HEATR5A: variants seen among roughly 807,000 people sequenced by gnomAD.
HEATR5A encodes the protein HEAT repeat containing 5A, also known as HEAT repeat-containing protein 5A.
HEATR5A carries 178 observed loss-of-function variants against 218.8 expected under a neutral mutation model. That is an observed-to-expected ratio of 0.81 (90% CI 0.72 to 0.92). HEATR5A has a LOEUF of 0.92. HEATR5A is among the 40% of genes least tolerant of loss of function. HEATR5A has a pLI of 0.00. For synonymous variants in HEATR5A, 864 were observed against 871.6 expected (o/e 0.99, Z 0.15); for missense variants, 2,420 against 2,418.9 (o/e 1.00, Z -0.01).
At chr14:31,334,404 T>A (rs1900579350) in intron 22 of HEATR5A, 2 of 455,982 alleles carry the variant, frequency 4.4e-6, no homozygotes, top group Non-Finnish European at 8.8e-6. Context: ...AGGATTATCA[T>A]TCTAGATGGT....
Position 31,294,124 on chromosome 14 carries a change from G to C in HEATR5A, c.5620-20C>G, listed in dbSNP as rs1899100575. ...TTGTACCTAATAAGGTAAGAGAAAAGAATAGCAAATACTATAAATAAATTT... is the reference window on the plus strand; with the variant it reads ...TTGTACCTAATAAGGTAAGAGAAAACAATAGCAAATACTATAAATAAATTT... On this transcript the variant is annotated intron_variant, in intron 34 of 35. Coordinates refer to ENST00000543095, the MANE Select transcript of HEATR5A (RefSeq NM_015473.4). 2 of 1,457,446 alleles carry C rather than the reference G, an allele frequency of 1.4e-6. No homozygotes were observed. The highest frequency in any genetic ancestry group is 1.9e-6 in the Non-Finnish European group (2 of 1,063,478). The allele number at this position is 1,457,446 out of a possible 1,614,324, so 90.3% of individuals were successfully genotyped here.
intron 13 of HEATR5A, among the ~76,000 whole-genome samples, chr14:31,367,569 A>ATTTTTTTTTTT (rs567217496): frequency 1.7e-5 from 1 of 60,296 alleles, no homozygotes; most frequent in Non-Finnish European, 2.7e-5. Flanking sequence ...TGCCCAGCTA[A>ATTTTTTTTTTT]TTTTTTTTTT....
chr14:31,293,981 T>G lies in HEATR5A; in HGVS notation c.5743A>C (p.Arg1915=). The change falls in exon 35 of 36, where the codon AGA becomes CGA. Residue 1915 remains arginine, a synonymous_variant. Coordinates refer to ENST00000543095, the MANE Select transcript of HEATR5A (RefSeq NM_015473.4). ...IMEKLQEIDK[R]KPENTAELEI... is the part of the protein sequence containing the mutation. The stretch of plus-strand genomic sequence containing the variant: ...AGCTCAGCAGTGTTTTCAGGTTTTC[T>G]CTTGTCTATTTCCTGCAGTTTTTCC... 2 of 1,606,862 alleles carry G rather than the reference T, an allele frequency of 1.2e-6. No homozygotes were observed. Among genetic ancestry groups the G allele is most frequent in the Non-Finnish European group, 1.7e-6 (2 of 1,176,394 alleles).
chr14:31,363,994 C>T (rs1342046799), intron 14 of HEATR5A, among the ~76,000 whole-genome samples, 195 bp downstream of exon 14: 1 of 152,042 alleles, frequency 6.6e-6, no homozygotes, highest in Non-Finnish European at 1.5e-5. Flanking sequence ...AAAACAAAAA[C>T]AAAACCCCGA....
At chr14:31,408,197 G>A (rs993535134) in intron 1 of HEATR5A, among the ~76,000 whole-genome samples, 1 of 152,058 alleles carries the variant, frequency 6.6e-6, no homozygotes, top group African/African-American at 2.4e-5. Flanking sequence ...CTAGACCTAA[G>A]GTACCAAGGT....
chr14:31,347,704 TAA>T, intron 19 of HEATR5A, 42 bp downstream of exon 19: 1 of 1,429,218 alleles, frequency 7.0e-7, no homozygotes, highest in Non-Finnish European at 9.3e-7. Flanking sequence ...CTGCATCATC[TAA>T]AAATCATGAA....
At chr14:31,394,288 A>T (rs1360767185) in intron 5 of HEATR5A, 62 bp from the exon 6 acceptor site, 36 of 1,051,626 alleles carry the variant, frequency 3.4e-5, no homozygotes, top group Middle Eastern at 4.3e-4. Flanking sequence ...GTTCAGAGCT[A>T]TGTAAGTTGC....
chr14:31,344,521 G>C (rs1237740080), intron 20 of HEATR5A, among the ~76,000 whole-genome samples: 2 of 151,572 alleles, frequency 1.3e-5, no homozygotes, highest in African/African-American at 4.9e-5. Context: ...CCGATTCAGT[G>C]ATCCACCTGC....
intron 13 of HEATR5A, among the ~76,000 whole-genome samples, chr14:31,368,713 ATTT>A (rs761863608): frequency 2.0e-5 from 3 of 149,108 alleles, no homozygotes; most frequent in African/African-American, 7.5e-5. Context: ...TTATTTATTT[ATTT>A]ATTTATTTAT....
chr14:31,310,092 C>T (rs1899690120), intron 28 of HEATR5A, among the ~76,000 whole-genome samples: 1 of 152,176 alleles, frequency 6.6e-6, no homozygotes, highest in South Asian at 2.1e-4. Flanking sequence ...GTAAGAATGA[C>T]TCCTAGATAT....
At chr14:31,323,439 G>A (rs1229278518) in intron 24 of HEATR5A, 126 bp downstream of exon 24, 2 of 661,212 alleles carry the variant, frequency 3.0e-6, no homozygotes, top group East Asian at 3.6e-5. Flanking sequence ...TAGGATTACA[G>A]GTATGAGCCA....
At chr14:31,394,942 A>G (rs2030599216) in intron 5 of HEATR5A, among the ~76,000 whole-genome samples, 1 of 152,208 alleles carries the variant, frequency 6.6e-6, no homozygotes, top group African/African-American at 2.4e-5. Context: ...TTACACAATT[A>G]CGGAGAAAAC....
At chr14:31,342,091 T>G (rs1026115281) in intron 21 of HEATR5A, among the ~76,000 whole-genome samples, 1 of 152,082 alleles carries the variant, frequency 6.6e-6, no homozygotes, top group Non-Finnish European at 1.5e-5. Flanking sequence ...AATTCTCTTT[T>G]TAAAGTTTTA....
chr14:31,408,857 C>T (rs896983990), intron 1 of HEATR5A, among the ~76,000 whole-genome samples: 40 of 145,358 alleles, frequency 2.8e-4, no homozygotes, highest in African/African-American at 8.9e-4. Context: ...TTTGGGAGGC[C>T]GAGGCGGGCG....
intron 27 of HEATR5A, among the ~76,000 whole-genome samples, chr14:31,315,006 C>T (rs1427972840): frequency 1.3e-5 from 2 of 152,044 alleles, no homozygotes; most frequent in African/African-American, 4.8e-5. Flanking sequence ...AACCCCATCT[C>T]TACTAAAAAT....
intron 10 of HEATR5A, among the ~76,000 whole-genome samples, chr14:31,383,068 T>C (rs945995819): frequency 6.6e-6 from 1 of 152,074 alleles, no homozygotes; most frequent in Non-Finnish European, 1.5e-5. Flanking sequence ...GGGTTATCAT[T>C]GCTTTTAGGC....
At chr14:31,308,874 C>CAA (rs201340473) in intron 29 of HEATR5A, 60 bp downstream of exon 29, 8,103 of 1,169,382 alleles carry the variant, frequency 6.9e-3, no homozygotes, top group East Asian at 0.022. Context: ...AACTCCATCT[C>CAA]AAAAAAAAAA....
rs114653050 is a variant in HEATR5A at position 31,414,612 on chromosome 14, C to A, written c.-75+5860G>T. Among the ~76,000 whole-genome samples, 968 of 152,262 alleles carry A rather than the reference C, an allele frequency of 6.4e-3. 6 individuals carry two copies. Among genetic ancestry groups the A allele is most frequent in the African/African-American group, 0.022 (927 of 41,556 alleles). On this transcript the variant is annotated intron_variant, in intron 1 of 35. Transcript: ENST00000543095. ...TTACAGGAGAGGCCAGAAATTCTTG[C>A]CCCCTTTTAAAAATGAGTCAATCCT...
chr14:31,376,204 A>G (rs1039773368), intron 11 of HEATR5A, among the ~76,000 whole-genome samples: 2 of 152,216 alleles, frequency 1.3e-5, no homozygotes, highest in African/African-American at 4.8e-5. Flanking sequence ...TCTGAGGCGT[A>G]TATGAGTTTA....
Sources: allele counts gnomAD v4.1 joint callset (sites outside exome capture counted in the v4.1 genomes callset), GRCh38; gene constraint gnomAD v4.1.1; transcripts MANE v1.5; gene names NCBI Gene and HGNC (gene_info 2026-07-23, HGNC 2026-07-21).